Variants in METTL8 observed in about 807,000 individuals in gnomAD.
METTL8 encodes the protein tRNA N(3)-cytidine methyltransferase METTL8, mitochondrial.
In METTL8, 32 loss-of-function variants were observed where a neutral mutation model predicts 48.7. The observed-to-expected ratio is 0.66, with a 90% CI of 0.50 to 0.88. METTL8 has a LOEUF of 0.88. Among genes scored for constraint, METTL8 ranks in the 40% least tolerant of loss-of-function variants. The probability of loss-of-function intolerance (pLI) is 0.00; values close to 1 mark genes in which losing one functional copy is unlikely to be tolerated. For missense variants in METTL8, 464 were observed against 474.4 expected (o/e 0.98, Z 0.20); for synonymous variants, 136 against 157.1 (o/e 0.87, Z 1.01).
At chr2:171,434,480 G>A (rs1465992335), upstream of METTL8, 49 of 1,515,538 alleles carry the variant, frequency 3.2e-5, no homozygotes, top group Non-Finnish European at 4.2e-5. Flanking sequence ...GGGAAAGTCT[G>A]GGCCTCGAAA....
chr2:171,434,544 G>A (rs1006608443), upstream of METTL8: 5 of 1,524,016 alleles, frequency 3.3e-6, no homozygotes, highest in African/African-American at 5.5e-5. Flanking sequence ...GCCACTCGGC[G>A]GCCCAGCCTA....
At chr2:171,422,885 C>T (rs1232288094) in intron 1 of METTL8, among the ~76,000 whole-genome samples, 1 of 152,158 alleles carries the variant, frequency 6.6e-6, no homozygotes, top group Non-Finnish European at 1.5e-5. Flanking sequence ...ACAGAGTCAA[C>T]ATGGTATCAC....
intron 2 of METTL8, among the ~76,000 whole-genome samples, chr2:171,371,870 T>C (rs1244056214): frequency 6.9e-6 from 1 of 145,100 alleles, no homozygotes; most frequent in South Asian, 2.2e-4. Context: ...TTATTATTAT[T>C]GTAGAGACGG....
intron 1 of METTL8, among the ~76,000 whole-genome samples, chr2:171,402,094 G>T (rs1313647129): frequency 6.6e-6 from 1 of 152,146 alleles, no homozygotes; most frequent in Non-Finnish European, 1.5e-5. Context: ...ACTAGTGGTG[G>T]CTCTGAGAAG....
chr2:171,434,744 C>A, upstream of METTL8: 4 of 1,391,856 alleles, frequency 2.9e-6, no homozygotes, highest in Non-Finnish European at 3.7e-6. Flanking sequence ...GGGCCGCGGG[C>A]GCGCGGCGGC....
At chr2:171,402,242 T>G (rs1002428988) in intron 1 of METTL8, among the ~76,000 whole-genome samples, 8 of 152,118 alleles carry the variant, frequency 5.3e-5, no homozygotes, top group African/African-American at 1.7e-4. Context: ...ACATGGAATA[T>G]TCAGAGAATA....
Position 171,339,521 on chromosome 2 carries a change from T to C in METTL8, c.269A>G (p.Asp90Gly). Residue 90 changes from aspartate (D) to glycine (G), a missense_variant, in exon 4 of 10, where the codon GAC becomes GGC. Coordinates refer to ENST00000375258, the MANE Select transcript of METTL8 (RefSeq NM_001321154.2). Reference sequence around the variant, plus strand: ...ATTCTTATGAATCTTGTAAAATGTGTCCCAGTATTTACTAGCTTCTCTCTC... The same window carrying C: ...ATTCTTATGAATCTTGTAAAATGTGCCCCAGTATTTACTAGCTTCTCTCTC... Reference protein sequence around the residue: ...KYEREASKYWDTFYKIHKNKF... With the variant: ...KYEREASKYWGTFYKIHKNKF... The C allele has an allele frequency of 6.3e-7, 1 of 1,590,530 alleles. No homozygotes were observed.
At position 171,430,076 on chromosome 2, in the gene METTL8, G is replaced by A. The variant is rs368556756; in HGVS notation, c.-13+3807C>T. On this transcript the variant is annotated intron_variant, in intron 1 of 9. Coordinates refer to ENST00000375258, the MANE Select transcript of METTL8 (RefSeq NM_001321154.2). ...AAAAAAAAAAAGGAATTCTGCTATGGGCCAGGAACGGTAGCTCATGCCTAT... is the reference window on the plus strand; with the variant it reads ...AAAAAAAAAAAGGAATTCTGCTATGAGCCAGGAACGGTAGCTCATGCCTAT... Among the ~76,000 whole-genome samples the A allele has an allele frequency of 9.9e-5, 15 of 151,296 alleles. 1 individual carries two copies. The highest frequency in any genetic ancestry group is 3.3e-4 in the Admixed American group (5 of 15,196).
At position 171,319,060 on chromosome 2, in the gene METTL8, C is replaced by CT. The variant is rs1684398394; in HGVS notation, c.*5111dup. 1 of 152,128 alleles carries CT rather than the reference C, an allele frequency of 6.6e-6. No individual in the cohort carries two copies. The highest frequency in any genetic ancestry group is 1.5e-5 in the Non-Finnish European group (1 of 68,030). 9.4% of individuals were successfully genotyped at this position (152,128 alleles called of 1,614,324 possible). ...GAGTAGCTAAGCAGTTCAATAGGAACTAGGACCCATGCTTCCTGTTTGACT... is the reference window on the plus strand; with the variant it reads ...GAGTAGCTAAGCAGTTCAATAGGAACTTAGGACCCATGCTTCCTGTTTGACT... On this transcript the variant is annotated 3_prime_UTR_variant, in exon 10 of 10. Coordinates refer to ENST00000375258, the MANE Select transcript of METTL8 (RefSeq NM_001321154.2).
rs555778687 is a variant in METTL8, at chr2:171,354,581, C to G, written c.235+5841G>C. 3.3e-5 allele frequency among the ~76,000 whole-genome samples: 5 copies of G among 152,132 alleles called. No individual in the cohort carries two copies. The East Asian group carries it at 9.6e-4, about 29-fold the overall frequency. Reference sequence around the variant, plus strand: ...TCCAACTTGGTTCCATTCTCCCTGTCACTTTCAGGTACACCAATCAGACGT... The same window carrying G: ...TCCAACTTGGTTCCATTCTCCCTGTGACTTTCAGGTACACCAATCAGACGT... On this transcript the variant is annotated intron_variant, in intron 3 of 9. Coordinates refer to ENST00000375258, the MANE Select transcript of METTL8 (RefSeq NM_001321154.2).
At chr2:171,388,982 T>C (rs1688328794) in intron 2 of METTL8, among the ~76,000 whole-genome samples, 1 of 152,120 alleles carries the variant, frequency 6.6e-6, no homozygotes, top group South Asian at 2.1e-4. Flanking sequence ...TATTTCCCTC[T>C]CCTCAGGTTC....
intron 1 of METTL8, among the ~76,000 whole-genome samples, chr2:171,431,659 G>GT (rs1693035556): frequency 1.3e-5 from 2 of 152,230 alleles, no homozygotes; most frequent in African/African-American, 2.4e-5. Flanking sequence ...GAAGAAGAGA[G>GT]TAACACGGTA....
chr2:171,410,431 C>A lies in METTL8; in HGVS notation c.-12-18234G>T, dbSNP rs145218786. Among the ~76,000 whole-genome samples, 241 of 152,280 alleles carry A rather than the reference C, an allele frequency of 1.6e-3. 2 individuals carry two copies. The highest frequency in any genetic ancestry group is 5.4e-3 in the African/African-American group (226 of 41,550). ...AAAAACAATCTGATTAAATATGATTCTTTCCAAACAACAACAAAACACATA... is the reference window on the plus strand; with the variant it reads ...AAAAACAATCTGATTAAATATGATTATTTCCAAACAACAACAAAACACATA... On this transcript the variant is annotated intron_variant, in intron 1 of 9. Coordinates refer to ENST00000375258, the MANE Select transcript of METTL8 (RefSeq NM_001321154.2).
chr2:171,351,977 C>T (rs1683983059), intron 3 of METTL8, among the ~76,000 whole-genome samples: 1 of 152,160 alleles, frequency 6.6e-6, no homozygotes, highest in Admixed American at 6.5e-5. Context: ...ATTGCCCTGG[C>T]CAGAACTTCC....
intron 1 of METTL8, among the ~76,000 whole-genome samples, chr2:171,426,274 A>T (rs1396253954): frequency 1.3e-5 from 2 of 152,224 alleles, no homozygotes; most frequent in Non-Finnish European, 2.9e-5. Flanking sequence ...AGTAAACATG[A>T]ATGAATTACA....
intron 3 of METTL8, among the ~76,000 whole-genome samples, chr2:171,350,732 CAT>C (rs1683820955): frequency 6.6e-6 from 1 of 152,290 alleles, no homozygotes; most frequent in East Asian, 1.9e-4. Flanking sequence ...AGCATTTTTT[CAT>C]ATGTCTGTTG....
intron 2 of METTL8, among the ~76,000 whole-genome samples, chr2:171,368,287 T>C (rs1367771309): frequency 1.3e-5 from 2 of 152,238 alleles, no homozygotes; most frequent in Non-Finnish European, 2.9e-5. Flanking sequence ...AAAGTACTCA[T>C]ATGAACTGTG....
chr2:171,414,579 T>C (rs1470720546), intron 1 of METTL8: 1 of 151,828 alleles, frequency 6.6e-6, no homozygotes, highest in African/African-American at 2.4e-5. Context: ...AATTAAAAAA[T>C]TAGCTGGGCA....
At position 171,318,361 on chromosome 2, in the gene METTL8, A is replaced by G. The variant is rs545825891; in HGVS notation, c.*5811T>C. The G allele has an allele frequency of 6.6e-6, 1 of 152,232 alleles. No homozygotes were observed. 9.4% of individuals were successfully genotyped at this position (152,232 alleles called of 1,614,324 possible). On this transcript the variant is annotated 3_prime_UTR_variant, in exon 10 of 10. Coordinates refer to ENST00000375258, the MANE Select transcript of METTL8 (RefSeq NM_001321154.2). Reference sequence around the variant, plus strand: ...GTTTTAAATAACGATGTTTTCACTCATATTTTATTATGGACACCTCCTGAT... The same window carrying G: ...GTTTTAAATAACGATGTTTTCACTCGTATTTTATTATGGACACCTCCTGAT...
Sources: allele counts gnomAD v4.1 joint callset (sites outside exome capture counted in the v4.1 genomes callset), GRCh38; gene constraint gnomAD v4.1.1; transcripts MANE v1.5; gene names NCBI Gene and HGNC (gene_info 2026-07-23, HGNC 2026-07-21).